RNF17: variants seen among roughly 807,000 people sequenced by gnomAD.
RNF17 encodes the protein ring finger protein 17.
A neutral mutation model predicts 200.5 loss-of-function variants in RNF17; 31 were observed. That is an observed-to-expected ratio of 0.15 (90% CI 0.12 to 0.21). The LOEUF is 0.21. Among genes scored for constraint, RNF17 ranks in the 10% least tolerant of loss-of-function variants. The pLI is 1.00. For missense variants in RNF17, 1,628 were observed against 1,905.1 expected (o/e 0.85, Z 2.71); for synonymous variants, 606 against 637.8 (o/e 0.95, Z 0.75).
chr13:24,782,031 G>A, intron 6 of RNF17, 87 bp downstream of exon 6: 3 of 886,638 alleles, frequency 3.4e-6, no homozygotes, highest in Non-Finnish European at 5.4e-6. Context: ...AATGGTAATG[G>A]GTAACTTTTA....
intron 4 of RNF17, 107 bp from the exon 5 acceptor site, chr13:24,779,560 T>G (rs1318537081): frequency 2.6e-6 from 2 of 760,952 alleles, no homozygotes; most frequent in Non-Finnish European, 2.1e-6. Flanking sequence ...TCTATGTTGC[T>G]TTTGTAACCA....
chr13:24,785,734 T>A (rs1352488040), intron 6 of RNF17, among the ~76,000 whole-genome samples: 1 of 152,220 alleles, frequency 6.6e-6, no homozygotes. Flanking sequence ...TATTTTTCCC[T>A]TTAATTCTGC....
At chr13:24,759,205 G>A (rs1220916438), upstream of RNF17, among the ~76,000 whole-genome samples, 1 of 152,088 alleles carries the variant, frequency 6.6e-6, no homozygotes, top group Non-Finnish European at 1.5e-5. Context: ...TACACCTCTG[G>A]AGTTATGGAG....
intron 13 of RNF17, 34 bp from the exon 14 acceptor site, chr13:24,802,347 A>G (rs757278273): frequency 3.2e-6 from 5 of 1,550,126 alleles, no homozygotes; most frequent in African/African-American, 1.4e-5. Flanking sequence ...GATACTTACA[A>G]TTAATTACTA....
chr13:24,881,007 T>C (rs1189239899), downstream of RNF17, among the ~76,000 whole-genome samples: 8 of 152,130 alleles, frequency 5.3e-5, no homozygotes, highest in East Asian at 1.5e-3. Flanking sequence ...CATTTTTCTA[T>C]TGAGTTATTT....
At chr13:24,846,894 T>C (rs1891312628) in intron 22 of RNF17, among the ~76,000 whole-genome samples, 1 of 152,208 alleles carries the variant, frequency 6.6e-6, no homozygotes, top group Non-Finnish European at 1.5e-5. Flanking sequence ...CACTTAGGTA[T>C]ACATATATGT....
At chr13:24,789,110 G>T (rs1024438278) in intron 7 of RNF17, among the ~76,000 whole-genome samples, 1 of 152,106 alleles carries the variant, frequency 6.6e-6, no homozygotes, top group Non-Finnish European at 1.5e-5. Flanking sequence ...AAATGAATCT[G>T]ATCGAGTTTT....
At chr13:24,785,549 G>A (rs1882993770) in intron 6 of RNF17, among the ~76,000 whole-genome samples, 1 of 152,176 alleles carries the variant, frequency 6.6e-6, no homozygotes, top group South Asian at 2.1e-4. Flanking sequence ...ATGCACACTT[G>A]AGAAAAATGT....
At chr13:24,878,624 T>C (rs1427902182) in intron 34 of RNF17, among the ~76,000 whole-genome samples, 1 of 152,138 alleles carries the variant, frequency 6.6e-6, no homozygotes, top group Non-Finnish European at 1.5e-5. Flanking sequence ...ATCTGGAGGC[T>C]GATGTCTGAG....
In RNF17 at chr13:24,847,024, A is replaced by ATTT. The variant is rs71186852; in HGVS notation, c.3101+1954_3101+1956dup. On this transcript the variant is annotated intron_variant, in intron 22 of 35. Coordinates refer to ENST00000255324, the MANE Select transcript of RNF17 (RefSeq NM_031277.3). ...AAAAACTTTAATGAACCTGTGTGTG[A>ATTT]TTTTTTTTTTTAAGAAATAAACCAT... is the stretch of plus-strand genomic sequence containing the variant. 1.0e-3 allele frequency among the ~76,000 whole-genome samples: 156 copies of ATTT among 149,870 alleles called. 2 individuals carry two copies. Among genetic ancestry groups the ATTT allele is most frequent in the South Asian group, 4.0e-3 (19 of 4,748 alleles).
intron 26 of RNF17, among the ~76,000 whole-genome samples, chr13:24,860,175 G>C (rs1848086030): frequency 6.6e-6 from 1 of 151,518 alleles, no homozygotes; most frequent in South Asian, 2.1e-4. Context: ...GAGTTGCTCA[G>C]ATAACCCCTG....
At chr13:24,848,137 A>G (rs7350683) in intron 22 of RNF17, among the ~76,000 whole-genome samples, 35,057 of 152,110 alleles carry the variant, frequency 0.23, 4,513 homozygotes, top group Non-Finnish European at 0.29. Context: ...ATTTATAGGT[A>G]AGGAAATTGA....
chr13:24,800,314 A>C, intron 12 of RNF17, 52 bp from the exon 13 acceptor site: 4 of 1,332,244 alleles, frequency 3.0e-6, no homozygotes, highest in Non-Finnish European at 4.1e-6. Context: ...GGGGAAAACA[A>C]ATTTAAGTTT....
At chr13:24,749,958 G>A in the RNF17 span, among the ~76,000 whole-genome samples, 1 of 152,108 alleles carries the variant, frequency 6.6e-6, no homozygotes, top group African/African-American at 2.4e-5. Context: ...CGCCGTGTTG[G>A]TCAGGCTGAT....
intron 15 of RNF17, among the ~76,000 whole-genome samples, chr13:24,817,022 G>A (rs1378840700): frequency 6.6e-6 from 1 of 152,148 alleles, no homozygotes; most frequent in Admixed American, 6.5e-5. Context: ...GCTGAATTTG[G>A]TTTATTAGTA....
At chr13:24,804,225 T>C in intron 14 of RNF17, 63 bp from the exon 15 acceptor site, 1 of 1,495,116 alleles carries the variant, frequency 6.7e-7, no homozygotes, top group Non-Finnish European at 9.2e-7. Flanking sequence ...ATAGCACCAC[T>C]GCACTCCAGC....
chr13:24,886,159 A>ATC, the RNF17 span: 2 of 485,238 alleles, frequency 4.1e-6, no homozygotes, highest in East Asian at 1.4e-4. Flanking sequence ...AGTGAGGTGA[A>ATC]TCTCTCTCTA....
At chr13:24,848,115 G>C (rs1026331577) in intron 22 of RNF17, among the ~76,000 whole-genome samples, 1 of 152,102 alleles carries the variant, frequency 6.6e-6, no homozygotes, top group African/African-American at 2.4e-5. Context: ...AAACCTTAAA[G>C]ATATAAATAC....
intron 5 of RNF17, among the ~76,000 whole-genome samples, chr13:24,781,493 G>A (rs1882368123): frequency 6.6e-6 from 1 of 151,528 alleles, no homozygotes; most frequent in Non-Finnish European, 1.5e-5. Context: ...AAAATTAGTT[G>A]GACATGGGGC....
Sources: allele counts gnomAD v4.1 joint callset (sites outside exome capture counted in the v4.1 genomes callset), GRCh38; gene constraint gnomAD v4.1.1; transcripts MANE v1.5; gene names NCBI Gene and HGNC (gene_info 2026-07-23, HGNC 2026-07-21).